Variants in THSD7B observed in about 807,000 individuals in gnomAD.
THSD7B encodes thrombospondin type 1 domain containing 7B.
A neutral mutation model predicts 213.6 loss-of-function variants in THSD7B; 138 were observed. The observed-to-expected ratio is 0.65, with a 90% CI of 0.56 to 0.74. The LOEUF (loss-of-function observed/expected upper bound fraction) is 0.74. Ranked by LOEUF, THSD7B falls within the 30% of genes least tolerant of loss-of-function variation. The pLI is 0.00. For synonymous variants in THSD7B, 742 were observed against 687.0 expected, an observed-to-expected ratio of 1.08 and a Z score of -1.25; for missense variants, 1,931 against 1,991.5, an observed-to-expected ratio of 0.97 and a Z score of 0.58.
chr2:137,193,252 CA>C, intron 7 of THSD7B, among the ~76,000 whole-genome samples: 1 of 152,252 alleles, frequency 6.6e-6, no homozygotes, highest in East Asian at 1.9e-4. Flanking sequence ...CCTGAACATT[CA>C]TGTGGATGTG....
chr2:137,019,721 C>T (rs1025136118), intron 2 of THSD7B, among the ~76,000 whole-genome samples: 8 of 152,050 alleles, frequency 5.3e-5, no homozygotes, highest in Non-Finnish European at 1.2e-4. Flanking sequence ...TTGTGAGCAC[C>T]TATAATTTAT....
At position 137,515,214 on chromosome 2, in the gene THSD7B, G is replaced by A. The variant is rs533571650; in HGVS notation, c.3139-48007G>A. 8.5e-5 allele frequency among the ~76,000 whole-genome samples: 13 copies of A among 152,246 alleles called. No homozygotes were observed. In the East Asian group the frequency reaches 2.3e-3, roughly 27 times the overall value. On this transcript the variant is annotated intron_variant, in intron 15 of 27. Transcript: ENST00000409968. ...ACCCTGATGAAGCTGGAGACTCTGA[G>A]TTTGTAAACTCTGGTTAACTTTTTT...
intron 2 of THSD7B, among the ~76,000 whole-genome samples, chr2:136,927,592 T>G (rs1684561873): frequency 6.6e-6 from 1 of 152,242 alleles, no homozygotes; most frequent in African/African-American, 2.4e-5. Context: ...TTTGTCAAAC[T>G]GCAGGACATT....
intron 20 of THSD7B, among the ~76,000 whole-genome samples, chr2:137,635,950 G>T (rs942867118): frequency 6.6e-6 from 1 of 152,084 alleles, no homozygotes; most frequent in Non-Finnish European, 1.5e-5. Flanking sequence ...TGATCTGCCC[G>T]TCTTGCATCC....
At chr2:137,570,432 C>T (rs1681330691) in intron 16 of THSD7B, among the ~76,000 whole-genome samples, 1 of 152,042 alleles carries the variant, frequency 6.6e-6, no homozygotes, top group Non-Finnish European at 1.5e-5. Context: ...CCTTAGCCTC[C>T]CGAGTAGCTG....
intron 7 of THSD7B, among the ~76,000 whole-genome samples, chr2:137,227,486 G>A (rs1338987060): frequency 6.6e-6 from 1 of 152,140 alleles, no homozygotes; most frequent in Admixed American, 6.6e-5. Context: ...CTAAGCTTCT[G>A]AACTATGTAG....
chr2:137,366,405 G>T (rs1416399736), intron 12 of THSD7B, among the ~76,000 whole-genome samples: 6 of 150,638 alleles, frequency 4.0e-5, no homozygotes, highest in Non-Finnish European at 7.4e-5. Flanking sequence ...AAAAAAAAAA[G>T]AATTTTAAGC....
In THSD7B at chr2:136,998,069, A is replaced by T. The variant is rs1685926327; in HGVS notation, c.140-58351A>T. Among the ~76,000 whole-genome samples the T allele has an allele frequency of 2.0e-5, 3 of 152,002 alleles. No homozygotes were observed. The South Asian group carries it at 6.2e-4, about 32-fold the overall frequency. Reference sequence around the variant, plus strand: ...CGGGACAGGATTAGACCAGCTGGAGACACTGACCACAGACCCACCGAAAAA... The same window carrying T: ...CGGGACAGGATTAGACCAGCTGGAGTCACTGACCACAGACCCACCGAAAAA... On this transcript the variant is annotated intron_variant, in intron 2 of 27. Transcript: ENST00000409968.
At chr2:137,397,468 T>C (rs1686222888) in intron 12 of THSD7B, among the ~76,000 whole-genome samples, 1 of 152,070 alleles carries the variant, frequency 6.6e-6, no homozygotes, top group Non-Finnish European at 1.5e-5. Context: ...AAAATTCTTT[T>C]CTTTAAGAAT....
chr2:137,527,288 C>T (rs1010832633), intron 15 of THSD7B, among the ~76,000 whole-genome samples: 7 of 151,832 alleles, frequency 4.6e-5, no homozygotes, highest in East Asian at 1.9e-4. Flanking sequence ...AATTGGGGTG[C>T]GTGTGTGTAT....
intron 2 of THSD7B, among the ~76,000 whole-genome samples, chr2:136,939,045 G>A (rs1390498890): frequency 6.6e-6 from 1 of 152,088 alleles, no homozygotes; most frequent in African/African-American, 2.4e-5. Context: ...TTGTCCATTA[G>A]CCTACCTGGC....
Position 136,846,546 on chromosome 2 carries a change from G to A in THSD7B, c.-35-35598G>A, listed in dbSNP as rs188950021. ...ATACTAAATAATTAACATAAGAATC[G>A]TTTATGGATGCCCTAATTTTATTGA... On this transcript the variant is annotated intron_variant, in intron 1 of 27. Coordinates refer to ENST00000409968, the MANE Select transcript of THSD7B (RefSeq NM_001316349.2). Among the ~76,000 whole-genome samples, 528 of 152,190 alleles carry A rather than the reference G, an allele frequency of 3.5e-3. 2 individuals carry two copies. Among genetic ancestry groups the A allele is most frequent in the Non-Finnish European group, 3.6e-3 (244 of 68,008 alleles).
intron 3 of THSD7B, among the ~76,000 whole-genome samples, chr2:137,089,406 A>G (rs1687909662): frequency 6.7e-6 from 1 of 149,054 alleles, no homozygotes; most frequent in African/African-American, 2.5e-5. Flanking sequence ...ATATATACAT[A>G]TACACACACA....
intron 1 of THSD7B, among the ~76,000 whole-genome samples, chr2:136,817,223 G>A (rs181897008): frequency 6.6e-6 from 1 of 152,298 alleles, no homozygotes; most frequent in Admixed American, 6.5e-5. Context: ...TTTGTTTGCT[G>A]TTACTTGTCA....
intron 12 of THSD7B, among the ~76,000 whole-genome samples, chr2:137,403,603 T>C (rs187479950): frequency 4.6e-4 from 70 of 152,334 alleles, no homozygotes; most frequent in Non-Finnish European, 5.9e-4. Context: ...CAAATATGGG[T>C]AGTCGGTAGA....
At chr2:136,832,217 A>G (rs1252902651) in intron 1 of THSD7B, among the ~76,000 whole-genome samples, 1 of 151,648 alleles carries the variant, frequency 6.6e-6, no homozygotes, top group Non-Finnish European at 1.5e-5. Flanking sequence ...ACACACACAT[A>G]TATACAATTG....
intron 5 of THSD7B, among the ~76,000 whole-genome samples, chr2:137,144,551 T>C (rs953653852): frequency 6.6e-6 from 1 of 152,014 alleles, no homozygotes; most frequent in Non-Finnish European, 1.5e-5. Flanking sequence ...TATTTAAATA[T>C]CTACATAGTC....
In THSD7B at chr2:137,667,806, T is replaced by G. The variant is rs1461507968; in HGVS notation, c.4684T>G (p.Ser1562Ala). Residue 1562 changes from serine (S) to alanine (A), a missense_variant, in exon 27 of 28, where the codon TCA (serine) becomes GCA (alanine). Physicochemically the swap from Ser to Ala is moderately conservative, Grantham distance 99. Transcript: ENST00000409968. ...GRVKIWVYGV[S>A]GGAFLIMIFL... ...AGTAAAAATTTGGGTTTATGGCGTT[T>G]CAGGTGGCGCTTTTCTCATCATGAT... The G allele has an allele frequency of 1.2e-6, 2 of 1,606,752 alleles. No individual in the cohort carries two copies.
In THSD7B at chr2:137,042,082, C is replaced by G. The variant is rs375055434; in HGVS notation, c.140-14338C>G. On this transcript the variant is annotated intron_variant, in intron 2 of 27. Coordinates refer to ENST00000409968, the MANE Select transcript of THSD7B (RefSeq NM_001316349.2). Reference sequence around the variant, plus strand: ...GACTTTAACAATTGCTCTGCTGATACCCCTGAAATATTCTGATTTCTGCCC... The same window carrying G: ...GACTTTAACAATTGCTCTGCTGATAGCCCTGAAATATTCTGATTTCTGCCC... Among the ~76,000 whole-genome samples, 16 of 152,258 alleles carry G rather than the reference C, an allele frequency of 1.1e-4. 1 individual carries two copies. The East Asian group carries it at 2.1e-3, about 20-fold the overall frequency.
Sources: allele counts gnomAD v4.1 joint callset (sites outside exome capture counted in the v4.1 genomes callset), GRCh38; gene constraint gnomAD v4.1.1; transcripts MANE v1.5; gene names NCBI Gene and HGNC (gene_info 2026-07-23, HGNC 2026-07-21).